Variants in APC observed in about 807,000 individuals in gnomAD.
APC encodes the protein APC regulator of Wnt signaling pathway.
A neutral mutation model predicts 247.0 loss-of-function variants in APC; 72 were observed. That is an observed-to-expected ratio of 0.29 (90% CI 0.24 to 0.35). APC has a LOEUF of 0.35. Ranked by LOEUF, APC falls within the 10% of genes least tolerant of loss-of-function variation. The pLI is 1.00. For synonymous variants in APC, 1,254 were observed against 1,162.5 expected (o/e 1.08, Z -1.60); for missense variants, 3,400 against 3,360.7 (o/e 1.01, Z -0.29).
At chr5:112,712,166 C>G (rs988859460) in intron 1 of APC, among the ~76,000 whole-genome samples, 2 of 152,162 alleles carry the variant, frequency 1.3e-5, no homozygotes, top group Non-Finnish European at 2.9e-5. Flanking sequence ...CCAGTGTCCT[C>G]AAGGTTCCAT....
At chr5:112,821,426 G>A (rs1165059911) in intron 10 of APC, among the ~76,000 whole-genome samples, 1 of 151,804 alleles carries the variant, frequency 6.6e-6, no homozygotes, top group East Asian at 1.9e-4. Context: ...AAGGTCAATT[G>A]AGCCCAGGAA....
At chr5:112,824,824 C>G (rs1763478613) in intron 11 of APC, among the ~76,000 whole-genome samples, 1 of 152,052 alleles carries the variant, frequency 6.6e-6, no homozygotes, top group Non-Finnish European at 1.5e-5. Context: ...TTTACAGGCT[C>G]CTTTTCTTTT....
rs1247376356 is a variant in APC at position 112,844,183 on chromosome 5, C to G, written c.*57C>G. 1 of 1,455,384 alleles carries G rather than the reference C, an allele frequency of 6.9e-7. No homozygotes were observed. Among genetic ancestry groups the G allele is most frequent in the South Asian group, 1.2e-5 (1 of 81,508 alleles). 90.2% of individuals were successfully genotyped at this position (1,455,384 alleles called of 1,614,324 possible). A position where few individuals can be genotyped will look rare whatever the true frequency, so the allele number is the denominator to read the frequency against. On this transcript the variant is annotated 3_prime_UTR_variant, in exon 16 of 16. Coordinates refer to ENST00000257430, the MANE Select transcript of APC (RefSeq NM_000038.6). ...ATGTTAATTACAACTGCTATATAGA[C>G]ATTTTGTTTCAAATGAAACTTTAAA...
At chr5:112,749,931 A>G (rs1265036347) in intron 1 of APC, among the ~76,000 whole-genome samples, 3 of 141,212 alleles carry the variant, frequency 2.1e-5, no homozygotes, top group Non-Finnish European at 3.1e-5. Context: ...TTTTAAATCC[A>G]ACTTTTGGAT....
At chr5:112,802,356 A>G (rs907982872) in intron 8 of APC, among the ~76,000 whole-genome samples, 1 of 152,148 alleles carries the variant, frequency 6.6e-6, no homozygotes, top group Non-Finnish European at 1.5e-5. Flanking sequence ...GACAAAGGCA[A>G]TCATGTTTAA....
At chr5:112,738,957 CATTA>C (rs1752661123) in intron 1 of APC, among the ~76,000 whole-genome samples, 1 of 152,008 alleles carries the variant, frequency 6.6e-6, no homozygotes, top group Non-Finnish European at 1.5e-5. Flanking sequence ...GCTTTTATGC[CATTA>C]ATTAGGTCAT....
Position 112,842,096 on chromosome 5 carries a change from C to A in APC, c.6502C>A (p.Leu2168Ile), listed in dbSNP as rs767818933. 2 of 1,611,162 alleles carry A rather than the reference C, an allele frequency of 1.2e-6. No homozygotes were observed. Among genetic ancestry groups the A allele is most frequent in the Non-Finnish European group, 1.7e-6 (2 of 1,177,812 alleles). Residue 2168 changes from leucine (L) to isoleucine (I), a missense_variant, in exon 16 of 16, where the codon CTA (leucine) becomes ATA (isoleucine). Transcript: ENST00000257430. ...TACAAGTAATAAAGGCCCACGAATT[C>A]TAAAACCAGGGGAGAAAAGTACATT... ...PFTSNKGPRI[L>I]KPGEKSTLET...
chr5:112,741,732 A>G (rs1204361659), intron 1 of APC, among the ~76,000 whole-genome samples: 1 of 152,120 alleles, frequency 6.6e-6, no homozygotes, highest in Non-Finnish European at 1.5e-5. Context: ...GAAATTTTTA[A>G]TCTTCCCTAA....
chr5:112,788,454 A>G (rs1759219457), intron 6 of APC, among the ~76,000 whole-genome samples: 1 of 152,150 alleles, frequency 6.6e-6, no homozygotes, highest in Non-Finnish European at 1.5e-5. Flanking sequence ...ACTTAGCAAC[A>G]CCATGATCCT....
At chr5:112,735,783 T>A (rs1752350915), upstream of APC, among the ~76,000 whole-genome samples, 1 of 152,130 alleles carries the variant, frequency 6.6e-6, no homozygotes, top group African/African-American at 2.4e-5. Context: ...ATACAAAATG[T>A]TTAACTTGGC....
At chr5:112,747,413 T>C (rs1753812486) in intron 1 of APC, among the ~76,000 whole-genome samples, 1 of 152,204 alleles carries the variant, frequency 6.6e-6, no homozygotes, top group Admixed American at 6.5e-5. Context: ...AAAGAAATGG[T>C]TTGTTTAATA....
chr5:112,744,006 T>G (rs1160055014), intron 1 of APC, among the ~76,000 whole-genome samples: 1 of 152,102 alleles, frequency 6.6e-6, no homozygotes, highest in Non-Finnish European at 1.5e-5. Flanking sequence ...AGCTGACTAA[T>G]TTTTAATTTT....
At chr5:112,727,240 T>G (rs1416737045) in intron 1 of APC, among the ~76,000 whole-genome samples, 1 of 152,090 alleles carries the variant, frequency 6.6e-6, no homozygotes, top group Non-Finnish European at 1.5e-5. Flanking sequence ...ACACTTATCT[T>G]CGGACATTCA....
At chr5:112,796,851 CT>C (rs1760260035) in intron 7 of APC, among the ~76,000 whole-genome samples, 1 of 151,872 alleles carries the variant, frequency 6.6e-6, no homozygotes, top group Admixed American at 6.6e-5. Context: ...TTCTTGTATT[CT>C]GATTATTACT....
At chr5:112,789,535 A>C (rs541203813) in intron 6 of APC, among the ~76,000 whole-genome samples, 1 of 152,210 alleles carries the variant, frequency 6.6e-6, no homozygotes, top group Non-Finnish European at 1.5e-5. Context: ...AATGTAGTGT[A>C]AAACGGAGAG....
Position 112,828,823 on chromosome 5 carries a change from G to A in APC, c.1627-33G>A, listed in dbSNP as rs1406401893. On this transcript the variant is annotated intron_variant, in intron 13 of 15. Coordinates refer to ENST00000257430, the MANE Select transcript of APC (RefSeq NM_000038.6). ...AAAAAAGCAACTAGTATGATTTTAT[G>A]TATAAATTAATCTAAAATTGATTAA... The A allele has an allele frequency of 6.9e-7, 1 of 1,445,094 alleles. No homozygotes were observed. 89.5% of individuals were successfully genotyped at this position (1,445,094 alleles called of 1,614,324 possible). A position where few individuals can be genotyped will look rare whatever the true frequency, so the allele number is the denominator to read the frequency against.
At chr5:112,797,202 T>G (rs77996543) in intron 7 of APC, among the ~76,000 whole-genome samples, 1,623 of 152,300 alleles carry the variant, frequency 0.011, 30 homozygotes, top group African/African-American at 0.037. Flanking sequence ...TTCTGATAGT[T>G]TGTAAATGTA....
At position 112,827,089 on chromosome 5, in the gene APC, C is replaced by A. The variant is rs763168564; in HGVS notation, c.1409-19C>A. On this transcript the variant is annotated intron_variant, in intron 11 of 15. Coordinates refer to ENST00000257430, the MANE Select transcript of APC (RefSeq NM_000038.6). ...TATTTTAGATGATTGTCTTTTTCCT[C>A]TTGCCCTTTTTAAATTAGGGGGACT... 1 of 1,612,662 alleles carries A rather than the reference C, an allele frequency of 6.2e-7. No individual in the cohort carries two copies. Among genetic ancestry groups the A allele is most frequent in the Admixed American group, 1.7e-5 (1 of 59,892 alleles).
chr5:112,805,196 T>G (rs1377325353), intron 8 of APC, among the ~76,000 whole-genome samples: 1 of 152,168 alleles, frequency 6.6e-6, no homozygotes, highest in Non-Finnish European at 1.5e-5. Context: ...AATGAACATG[T>G]ATTACTATAA....
Sources: gnomAD v4.1 joint callset for allele counts (sites outside exome capture counted in the v4.1 genomes callset) on GRCh38, gnomAD v4.1.1 for gene constraint, MANE v1.5 for transcripts, NCBI Gene and HGNC (gene_info 2026-07-23, HGNC 2026-07-21) for gene names.